CCDC122: variants seen among roughly 807,000 people sequenced by gnomAD.
CCDC122 encodes the protein coiled-coil domain containing 122.
In CCDC122, 38 loss-of-function variants were observed where a neutral mutation model predicts 37.0. The observed-to-expected ratio is 1.03, with a 90% CI of 0.79 to 1.35. The LOEUF (loss-of-function observed/expected upper bound fraction) is 1.35. CCDC122 is among the 40% of genes most tolerant of loss of function. The pLI is 0.00. For synonymous variants in CCDC122, 83 were observed against 95.6 expected (o/e 0.87, Z 0.77); for missense variants, 305 against 310.0 (o/e 0.98, Z 0.12).
chr13:43,830,989 A>G (rs1197445069), intron 3 of CCDC122, among the ~76,000 whole-genome samples: 1 of 152,236 alleles, frequency 6.6e-6, no homozygotes, highest in East Asian at 1.9e-4. Flanking sequence ...ATTAATTGAG[A>G]CTGAAAGGCT....
In CCDC122 at chr13:43,864,867, T is replaced by G. The variant is rs543766616; in HGVS notation, c.156+3827A>C. Among the ~76,000 whole-genome samples the G allele has an allele frequency of 5.9e-5, 9 of 152,244 alleles. No individual in the cohort carries two copies. The South Asian group carries it at 1.0e-3, about 18-fold the overall frequency. On this transcript the variant is annotated intron_variant, in intron 4 of 6. Transcript: ENST00000444614. Reference sequence around the variant, plus strand: ...GCTGGCTGTCAAAAAGCCCAAGCCTTGATTAGAAGACTGAAACTTTTAGCC... The same window carrying G: ...GCTGGCTGTCAAAAAGCCCAAGCCTGGATTAGAAGACTGAAACTTTTAGCC...
At chr13:43,877,705 T>C (rs772122182) in intron 1 of CCDC122, 1 of 152,190 alleles carries the variant, frequency 6.6e-6, no homozygotes, top group Admixed American at 6.5e-5. Flanking sequence ...AAGAATGAAA[T>C]CATGTGGCCT....
intron 6 of CCDC122, among the ~76,000 whole-genome samples, chr13:43,853,851 T>C (rs957631990): frequency 1.3e-5 from 2 of 152,088 alleles, no homozygotes; most frequent in East Asian, 1.9e-4. Context: ...AACCACACAA[T>C]TGCATGGAAA....
chr13:43,862,691 A>T (rs1212606815), intron 4 of CCDC122, among the ~76,000 whole-genome samples: 18 of 152,168 alleles, frequency 1.2e-4, no homozygotes, highest in Admixed American at 1.1e-3. Context: ...TCAATAAATG[A>T]GTGAATGACT....
chr13:43,828,183 T>C (rs564958846), intron 3 of CCDC122, among the ~76,000 whole-genome samples: 1 of 152,270 alleles, frequency 6.6e-6, no homozygotes, highest in Admixed American at 6.5e-5. Flanking sequence ...GCAATGGTAC[T>C]GACAGTGAAG....
At chr13:43,836,300 CTT>C (rs1953158196), downstream of CCDC122, 1 of 152,158 alleles carries the variant, frequency 6.6e-6, no homozygotes, top group Non-Finnish European at 1.5e-5. Context: ...GAGTAATACT[CTT>C]AAGAGTTACA....
Position 43,859,887 on chromosome 13 carries a change from C to T in CCDC122, c.340G>A (p.Ala114Thr). Residue 114 changes from alanine to threonine, a missense_variant, in exon 5 of 7, where the codon GCC becomes ACC. Ala to Thr is a moderately conservative substitution (Grantham distance 58). Transcript: ENST00000444614. ...NVKLKFDIET[A>T]QEDFEEHMIK... Reference sequence around the variant, plus strand: ...ATGTGTTCCTCAAAATCTTCTTGGGCTGTTTCTATGTCAAATTTAAGCTTT... The same window carrying T: ...ATGTGTTCCTCAAAATCTTCTTGGGTTGTTTCTATGTCAAATTTAAGCTTT... The T allele has an allele frequency of 1.9e-6, 3 of 1,606,214 alleles. No individual in the cohort carries two copies. The highest frequency in any genetic ancestry group is 2.5e-6 in the Non-Finnish European group (3 of 1,177,024).
intron 1 of CCDC122, among the ~76,000 whole-genome samples, chr13:43,876,967 C>T (rs951132234): frequency 3.9e-5 from 6 of 152,002 alleles, no homozygotes; most frequent in African/African-American, 7.3e-5. Flanking sequence ...AAAAATTAGC[C>T]GGGCGTGGTG....
At chr13:43,857,234 CTCTT>C (rs1186208696) in intron 6 of CCDC122, among the ~76,000 whole-genome samples, 1 of 151,998 alleles carries the variant, frequency 6.6e-6, no homozygotes, top group Non-Finnish European at 1.5e-5. Flanking sequence ...ATTTTCTTAT[CTCTT>C]TCTTATCACA....
chr13:43,858,900 G>T lies in CCDC122; in HGVS notation c.556-3C>A. The T allele has an allele frequency of 7.2e-7, 1 of 1,389,400 alleles. No individual in the cohort carries two copies. The highest frequency in any genetic ancestry group is 9.6e-7 in the Non-Finnish European group (1 of 1,036,408). The allele number at this position is 1,389,400 out of a possible 1,614,324, so 86.1% of individuals were successfully genotyped here. ...TCCTTTAAGTTTGTAATGTCTTCCT[G>T]TATGTTGACAACATTTGAAATATAG... On this transcript the variant is annotated splice_region_variant and splice_polypyrimidine_tract_variant and intron_variant, in intron 5 of 6. Transcript: ENST00000444614.
At chr13:43,844,517 A>C (rs959669547) in intron 6 of CCDC122, among the ~76,000 whole-genome samples, 1 of 152,048 alleles carries the variant, frequency 6.6e-6, no homozygotes, top group African/African-American at 2.4e-5. Context: ...AAGTTGATGG[A>C]TAAGTTCTTC....
chr13:43,820,648 G>A (rs536077250), downstream of CCDC122, among the ~76,000 whole-genome samples: 1 of 152,114 alleles, frequency 6.6e-6, no homozygotes, highest in Non-Finnish European at 1.5e-5. Flanking sequence ...TCTAAAAATT[G>A]AAAACTAAAA....
At chr13:43,862,371 G>A (rs913097244) in intron 4 of CCDC122, among the ~76,000 whole-genome samples, 2 of 151,930 alleles carry the variant, frequency 1.3e-5, no homozygotes, top group African/African-American at 4.8e-5. Flanking sequence ...TATCTGTTGG[G>A]TCTTTGTCTT....
At chr13:43,831,768 A>C (rs1439342372), downstream of CCDC122, among the ~76,000 whole-genome samples, 2 of 152,138 alleles carry the variant, frequency 1.3e-5, no homozygotes, top group Admixed American at 1.3e-4. Context: ...CATGAACTCT[A>C]ATTTTCTTTT....
chr13:43,837,093 G>A lies in CCDC122; in HGVS notation c.*187C>T. On this transcript the variant is annotated 3_prime_UTR_variant, in exon 7 of 7. Transcript: ENST00000444614. ...TATTGTCTGTCTACTGCTATCAAGT[G>A]TAGGGTTAGAAGGCATTTTAACAAA... 1 of 571,206 alleles carries A rather than the reference G, an allele frequency of 1.8e-6. No individual in the cohort carries two copies. The highest frequency in any genetic ancestry group is 3.1e-6 in the Non-Finnish European group (1 of 324,772). 35.4% of individuals were successfully genotyped at this position (571,206 alleles called of 1,614,324 possible).
At chr13:43,838,577 G>A (rs1953239641) in intron 6 of CCDC122, among the ~76,000 whole-genome samples, 1 of 152,132 alleles carries the variant, frequency 6.6e-6, no homozygotes, top group Admixed American at 6.5e-5. Context: ...TCATAGAGTT[G>A]TACCAACTCT....
chr13:43,821,955 G>C (rs9567272), downstream of CCDC122, among the ~76,000 whole-genome samples: 3,838 of 152,240 alleles, frequency 0.025, 118 homozygotes, highest in East Asian at 0.14. Context: ...CTGTCTGAAA[G>C]GACACATATC....
chr13:43,835,900 C>T (rs1953148970), downstream of CCDC122, among the ~76,000 whole-genome samples: 1 of 152,150 alleles, frequency 6.6e-6, no homozygotes, highest in African/African-American at 2.4e-5. Context: ...AGCTTTGTTT[C>T]TGAGTCATGG....
At chr13:43,848,230 AC>A (rs1267419181) in intron 6 of CCDC122, among the ~76,000 whole-genome samples, 8 of 152,230 alleles carry the variant, frequency 5.3e-5, no homozygotes, top group African/African-American at 1.9e-4. Context: ...CTTAAAGTGT[AC>A]ACAATTTTCC....
Sources: gnomAD v4.1 joint callset for allele counts (sites outside exome capture counted in the v4.1 genomes callset) on GRCh38, gnomAD v4.1.1 for gene constraint, MANE v1.5 for transcripts, NCBI Gene and HGNC (gene_info 2026-07-23, HGNC 2026-07-21) for gene names.